Variants in USP4 observed in about 807,000 individuals in gnomAD.
USP4 encodes the protein ubiquitin carboxyl-terminal hydrolase 4.
Under a neutral mutation model 118.2 loss-of-function variants are expected in USP4, and 72 were observed. That is an observed-to-expected ratio of 0.61 (90% CI 0.50 to 0.74). USP4 has a LOEUF of 0.74. USP4 is among the 30% of genes least tolerant of loss of function. The pLI, the probability that USP4 is intolerant of heterozygous loss-of-function variation, is 0.00. For missense variants in USP4, 1,037 were observed against 1,185.7 expected, an observed-to-expected ratio of 0.87 and a Z score of 1.84; for synonymous variants, 415 against 440.4, an observed-to-expected ratio of 0.94 and a Z score of 0.72.
chr3:49,299,625 C>A (rs138411961), intron 11 of USP4, among the ~76,000 whole-genome samples: 19 of 151,858 alleles, frequency 1.3e-4, no homozygotes, highest in Non-Finnish European at 2.4e-4. Context: ...ATCTCCTGAC[C>A]TCGTGATCTG....
intron 6 of USP4, chr3:49,317,034 G>T: frequency 1.1e-6 from 1 of 904,262 alleles, no homozygotes; most frequent in Non-Finnish European, 1.8e-6. Context: ...CAGACTTGCT[G>T]GGGCTGAGTT....
intron 20 of USP4, among the ~76,000 whole-genome samples, chr3:49,279,960 A>G (rs887524244): frequency 6.6e-6 from 1 of 152,228 alleles, no homozygotes; most frequent in African/African-American, 2.4e-5. Flanking sequence ...TGCAAAAATT[A>G]GCAAATAAAA....
At chr3:49,286,443 T>A in intron 15 of USP4, 118 bp from the exon 16 acceptor site, 1 of 1,004,762 alleles carries the variant, frequency 1.0e-6, no homozygotes, top group Non-Finnish European at 1.4e-6. Flanking sequence ...TATATGAAGT[T>A]AAATCTATTC....
intron 10 of USP4, 94 bp downstream of exon 10, chr3:49,302,290 C>A (rs778755548): frequency 6.9e-7 from 1 of 1,440,358 alleles, no homozygotes; most frequent in East Asian, 2.3e-5. Context: ...AGGGCCCTGG[C>A]AACAACACTC....
chr3:49,310,481 T>C (rs1047863911), intron 8 of USP4, 139 bp downstream of exon 8: 1 of 727,064 alleles, frequency 1.4e-6, no homozygotes, highest in Admixed American at 2.1e-5. Flanking sequence ...TAGTGGGAGA[T>C]GCCCTAGCAG....
At chr3:49,325,390 C>CT (rs1451557431) in intron 4 of USP4, among the ~76,000 whole-genome samples, 1 of 151,992 alleles carries the variant, frequency 6.6e-6, no homozygotes, top group Non-Finnish European at 1.5e-5. Flanking sequence ...GGATCTTGCT[C>CT]TGATGCCCAG....
intron 15 of USP4, among the ~76,000 whole-genome samples, chr3:49,288,832 G>A (rs185437484): frequency 2.6e-4 from 39 of 152,238 alleles, no homozygotes; most frequent in African/African-American, 7.7e-4. Flanking sequence ...TGGTTATGCC[G>A]GGCACAATGG....
intron 15 of USP4, 44 bp downstream of exon 15, chr3:49,292,466 A>T: frequency 7.9e-7 from 1 of 1,261,922 alleles, no homozygotes; most frequent in Non-Finnish European, 1.1e-6. Context: ...GGAAATCAGG[A>T]GGTATTTGGT....
chr3:49,336,583 G>A, intron 1 of USP4, among the ~76,000 whole-genome samples: 1 of 151,776 alleles, frequency 6.6e-6, no homozygotes. Context: ...GGAGTGCAAT[G>A]GTGTGATCTC....
rs1156696354 is a variant in USP4 at position 49,286,136 on chromosome 3, T to C, written c.2162A>G (p.Asn721Ser). The C allele has an allele frequency of 6.2e-7, 1 of 1,614,078 alleles. No homozygotes were observed. Among genetic ancestry groups the C allele is most frequent in the Non-Finnish European group, 8.5e-7 (1 of 1,180,030 alleles). Residue 721 changes from asparagine to serine, a missense_variant, in exon 16 of 22, where the codon AAT becomes AGT. Coordinates refer to ENST00000265560, the MANE Select transcript of USP4 (RefSeq NM_003363.4). Reference protein sequence around the residue: ...LVNSYGTADINSLAADGKLLK... With the variant: ...LVNSYGTADISSLAADGKLLK... Reference sequence around the variant, plus strand: ...TAGTTTTCCATCAGCTGCAAGTGAATTTATGTCAGCTGTTCCATAGGAGTT... The same window carrying C: ...TAGTTTTCCATCAGCTGCAAGTGAACTTATGTCAGCTGTTCCATAGGAGTT...
intron 6 of USP4, among the ~76,000 whole-genome samples, chr3:49,321,602 C>T (rs951711347): frequency 2.6e-5 from 4 of 151,906 alleles, no homozygotes; most frequent in Admixed American, 6.6e-5. Context: ...CCAGTAGCTA[C>T]GATTACAGGC....
At chr3:49,325,246 C>T (rs572275350) in intron 4 of USP4, among the ~76,000 whole-genome samples, 17 of 152,176 alleles carry the variant, frequency 1.1e-4, no homozygotes, top group Admixed American at 7.2e-4. Flanking sequence ...TCTTTGCTAA[C>T]GTGTGTCTCT....
In USP4 at chr3:49,310,684, A is replaced by C. The variant is rs774770392; in HGVS notation, c.890T>G (p.Ile297Arg). ...YNCQEPPSSH[I>R]QPGLCGLGNL... ...TCCAAGTCCACAGAGCCCAGGTTGT[A>C]TATGAGAGGATGGTGGCTCCTGACA... Residue 297 changes from isoleucine (I) to arginine (R), a missense_variant, in exon 8 of 22, where the codon ATA becomes AGA. Transcript: ENST00000265560. The C allele has an allele frequency of 6.2e-7, 1 of 1,614,190 alleles. No individual in the cohort carries two copies. Among genetic ancestry groups the C allele is most frequent in the Non-Finnish European group, 8.5e-7 (1 of 1,180,044 alleles).
At chr3:49,307,415 C>CAA (rs879748415) in intron 8 of USP4, among the ~76,000 whole-genome samples, 9 of 106,328 alleles carry the variant, frequency 8.5e-5, no homozygotes, top group African/African-American at 1.4e-4. Flanking sequence ...GACTATGTCT[C>CAA]AAAAAAAAAA....
intron 6 of USP4, among the ~76,000 whole-genome samples, chr3:49,316,150 C>T (rs923317362): frequency 2.0e-5 from 3 of 151,824 alleles, no homozygotes; most frequent in East Asian, 1.9e-4. Context: ...TGCAGTGAGC[C>T]GAGATCGCGC....
chr3:49,284,497 T>A lies in USP4; in HGVS notation c.2359A>T (p.Thr787Ser), dbSNP rs369666364. The A allele has an allele frequency of 6.2e-7, 1 of 1,614,050 alleles. No homozygotes were observed. The highest frequency in any genetic ancestry group is 1.1e-5 in the South Asian group (1 of 91,072). The change falls in exon 18 of 22, where the codon ACC becomes TCC. Residue 787 changes from threonine (T) to serine (S), a missense_variant. Transcript: ENST00000265560. ...TCATGCTCCCCAAGGGTCTCCATGG[T>A]GGTGAAGAGCTCGATGCAGTCTCTC... ...ALRDCIELFT[T>S]METLGEHDPW...
intron 19 of USP4, among the ~76,000 whole-genome samples, chr3:49,283,008 CTTTTTTTTT>C (rs71077783): frequency 3.8e-5 from 3 of 78,264 alleles, no homozygotes; most frequent in African/African-American, 5.3e-5. Flanking sequence ...GTGCCGGCCT[CTTTTTTTTT>C]TTTTTTTTTT....
chr3:49,305,211 T>C (rs1396694676), intron 9 of USP4, among the ~76,000 whole-genome samples: 2 of 148,286 alleles, frequency 1.3e-5, no homozygotes, highest in African/African-American at 5.0e-5. Flanking sequence ...TAGCTGGGAC[T>C]ACAGGCGCCT....
At chr3:49,338,962 A>G (rs1309423523) in intron 1 of USP4, among the ~76,000 whole-genome samples, 1 of 152,068 alleles carries the variant, frequency 6.6e-6, no homozygotes, top group African/African-American at 2.4e-5. Context: ...CCTACCCAAC[A>G]TGGTGAAACC....
Sources: gnomAD v4.1 joint callset for allele counts (sites outside exome capture counted in the v4.1 genomes callset) on GRCh38, gnomAD v4.1.1 for gene constraint, MANE v1.5 for transcripts, NCBI Gene and HGNC (gene_info 2026-07-23, HGNC 2026-07-21) for gene names.